Variants in CNTNAP5 observed in about 807,000 individuals in gnomAD.
The protein encoded by CNTNAP5 is contactin-associated protein-like 5.
Under a neutral mutation model 150.2 loss-of-function variants are expected in CNTNAP5, and 72 were observed. That is an observed-to-expected ratio of 0.48 (90% CI 0.40 to 0.58). The LOEUF (loss-of-function observed/expected upper bound fraction) is 0.58, where lower values mean the gene tolerates loss of function less well. Ranked by LOEUF, CNTNAP5 falls within the 20% of genes least tolerant of loss-of-function variation. CNTNAP5 has a pLI of 0.00. For synonymous variants in CNTNAP5, 672 were observed against 619.8 expected, an observed-to-expected ratio of 1.08 and a Z score of -1.25; for missense variants, 1,636 against 1,626.2, an observed-to-expected ratio of 1.01 and a Z score of -0.10.
Position 124,427,169 on chromosome 2 carries a change from G to A in CNTNAP5, c.530-7315G>A, listed in dbSNP as rs183489667. 1.1e-3 allele frequency among the ~76,000 whole-genome samples: 163 copies of A among 152,188 alleles called. No individual in the cohort carries two copies. In the Middle Eastern group the frequency reaches 0.017, roughly 16 times the overall value. ...TGGCAGATAAAATAGAGAACTCTGAGGAACAGATAACAGGTATTAATATGA... is the reference window on the plus strand; with the variant it reads ...TGGCAGATAAAATAGAGAACTCTGAAGAACAGATAACAGGTATTAATATGA... On this transcript the variant is annotated intron_variant, in intron 4 of 23. Transcript: ENST00000682447.
chr2:124,115,302 G>A (rs1178766438), intron 1 of CNTNAP5, among the ~76,000 whole-genome samples: 1 of 152,054 alleles, frequency 6.6e-6, no homozygotes, highest in Admixed American at 6.6e-5. Flanking sequence ...ATAAACCATG[G>A]ACACATTAAG....
intron 6 of CNTNAP5, 52 bp downstream of exon 6, chr2:124,446,989 C>T: frequency 6.4e-7 from 1 of 1,554,684 alleles, no homozygotes; most frequent in Non-Finnish European, 8.8e-7. Context: ...TCAATGAACG[C>T]AGCAAGAAAA....
intron 6 of CNTNAP5, among the ~76,000 whole-genome samples, chr2:124,474,080 T>G (rs556550839): frequency 3.8e-4 from 58 of 152,152 alleles, no homozygotes; most frequent in African/African-American, 1.4e-3. Flanking sequence ...AACTTCTTAT[T>G]GTTGACATCA....
intron 1 of CNTNAP5, among the ~76,000 whole-genome samples, chr2:124,055,707 C>T (rs1000739325): frequency 3.9e-5 from 6 of 152,150 alleles, no homozygotes; most frequent in African/African-American, 1.4e-4. Context: ...TGACCACCTA[C>T]AATCCAATAT....
Position 124,607,237 on chromosome 2 carries a change from C to T in CNTNAP5, c.1757-2564C>T, listed in dbSNP as rs189727013. ...GCTAGGTGGTTCTGTCTTGGTCTCT[C>T]ATGCAGCTGCAAAAAAGATGTCCAC... On this transcript the variant is annotated intron_variant, in intron 11 of 23. Transcript: ENST00000682447. Among the ~76,000 whole-genome samples the T allele has an allele frequency of 5.3e-5, 8 of 152,202 alleles. No individual in the cohort carries two copies. In the East Asian group the frequency reaches 5.8e-4, roughly 11 times the overall value.
intron 3 of CNTNAP5, among the ~76,000 whole-genome samples, chr2:124,390,779 A>G (rs1691090187): frequency 6.6e-6 from 1 of 152,240 alleles, no homozygotes; most frequent in Non-Finnish European, 1.5e-5. Context: ...AATATTTTGA[A>G]TAGTGGTTTT....
intron 1 of CNTNAP5, among the ~76,000 whole-genome samples, chr2:124,101,428 C>T (rs1238893710): frequency 6.6e-6 from 1 of 152,034 alleles, no homozygotes. Flanking sequence ...AGGTGCTCAC[C>T]TACATTAACC....
At chr2:124,713,303 T>TTC (rs1558746841) in intron 13 of CNTNAP5, among the ~76,000 whole-genome samples, 8 of 99,152 alleles carry the variant, frequency 8.1e-5, no homozygotes, top group East Asian at 3.6e-4. Context: ...CTTTCTTTCT[T>TTC]CTTTCTCTTT....
intron 12 of CNTNAP5, among the ~76,000 whole-genome samples, chr2:124,644,281 T>G (rs1400607787): frequency 2.0e-5 from 3 of 152,200 alleles, no homozygotes; most frequent in Non-Finnish European, 4.4e-5. Context: ...ACAGCTGACT[T>G]TCTTTCAGTG....
intron 3 of CNTNAP5, among the ~76,000 whole-genome samples, chr2:124,329,372 C>G (rs1689294176): frequency 6.6e-6 from 1 of 151,996 alleles, no homozygotes; most frequent in Non-Finnish European, 1.5e-5. Context: ...TTTGAAAGAC[C>G]TTTCCTCAGT....
intron 3 of CNTNAP5, among the ~76,000 whole-genome samples, chr2:124,400,676 T>G (rs1027221704): frequency 1.2e-4 from 12 of 101,934 alleles, no homozygotes; most frequent in Non-Finnish European, 2.9e-4. Context: ...ATTGTTTTTT[T>G]TTTTTTTTTT....
intron 6 of CNTNAP5, among the ~76,000 whole-genome samples, chr2:124,448,106 A>C (rs2104807645): frequency 6.6e-6 from 1 of 152,084 alleles, no homozygotes; most frequent in South Asian, 2.1e-4. Flanking sequence ...GTCACTACTA[A>C]AAACACAAAA....
intron 8 of CNTNAP5, among the ~76,000 whole-genome samples, chr2:124,507,401 G>A (rs1004536469): frequency 5.3e-5 from 8 of 152,144 alleles, no homozygotes; most frequent in Non-Finnish European, 7.3e-5. Context: ...CGAGGCTGCA[G>A]TGAGGCATAA....
chr2:124,076,449 GA>G (rs1558746874), intron 1 of CNTNAP5, among the ~76,000 whole-genome samples: 1 of 152,036 alleles, frequency 6.6e-6, no homozygotes, highest in African/African-American at 2.4e-5. Flanking sequence ...GTTCACATTT[GA>G]AGCTTTTTCT....
At chr2:124,044,921 CACACACACACAT>C (rs1225509891) in intron 1 of CNTNAP5, among the ~76,000 whole-genome samples, 2 of 150,192 alleles carry the variant, frequency 1.3e-5, no homozygotes, top group African/African-American at 5.0e-5. Context: ...CACACACACA[CACACACACACAT>C]GAATAAGTGA....
At chr2:124,262,136 T>G (rs1275774336) in intron 3 of CNTNAP5, among the ~76,000 whole-genome samples, 2 of 151,974 alleles carry the variant, frequency 1.3e-5, no homozygotes, top group Non-Finnish European at 2.9e-5. Context: ...TCTGAGCTAC[T>G]CTGGAGGCTG....
chr2:124,279,973 C>G (rs944837059), intron 3 of CNTNAP5, among the ~76,000 whole-genome samples: 7 of 151,970 alleles, frequency 4.6e-5, no homozygotes, highest in Non-Finnish European at 1.0e-4. Flanking sequence ...TAATATTTTT[C>G]TTTACTTTAT....
intron 19 of CNTNAP5, among the ~76,000 whole-genome samples, chr2:124,842,458 A>G (rs1682963983): frequency 6.6e-6 from 1 of 152,188 alleles, no homozygotes; most frequent in African/African-American, 2.4e-5. Flanking sequence ...TATTTCCTTG[A>G]AAAAGGGCTG....
chr2:124,912,811 G>T (rs1678683535), intron 23 of CNTNAP5, among the ~76,000 whole-genome samples: 1 of 152,014 alleles, frequency 6.6e-6, no homozygotes, highest in Admixed American at 6.6e-5. Context: ...GGCTTGCACA[G>T]CTGCTGACTC....
Sources: gnomAD v4.1 joint callset for allele counts (sites outside exome capture counted in the v4.1 genomes callset) on GRCh38, gnomAD v4.1.1 for gene constraint, MANE v1.5 for transcripts, NCBI Gene and HGNC (gene_info 2026-07-23, HGNC 2026-07-21) for gene names.